The following ZNF469 variants were observed in gnomAD, a reference collection of about 807,000 sequenced individuals.
ZNF469 encodes the protein zinc finger protein 469.
A neutral mutation model predicts 1.0 loss-of-function variants in ZNF469; 1 was observed. The observed-to-expected ratio is 1.00, with a 90% CI of 0.35 to 4.73. The LOEUF is 4.73. Among genes scored for constraint, ZNF469 ranks in the 30% most tolerant of loss-of-function variants. The pLI, the probability that ZNF469 is intolerant of heterozygous loss-of-function variation, is 0.16. For missense variants in ZNF469, 6,100 were observed against 5,356.3 expected, an observed-to-expected ratio of 1.14 and a Z score of -4.33; for synonymous variants, 2,703 against 2,363.4, an observed-to-expected ratio of 1.14 and a Z score of -4.17.
the ZNF469 span, among the ~76,000 whole-genome samples, chr16:88,239,598 C>T: frequency 1.4e-5 from 2 of 146,116 alleles, no homozygotes; most frequent in South Asian, 2.2e-4. Flanking sequence ...CGCCATTCTC[C>T]TGCCTCAGCC....
In ZNF469 at chr16:88,430,129, A is replaced by G; in HGVS notation, c.2659A>G (p.Ser887Gly). 6.5e-7 allele frequency: 1 copy of G among 1,550,130 alleles called. No individual in the cohort carries two copies. Among genetic ancestry groups the G allele is most frequent in the Non-Finnish European group, 8.7e-7 (1 of 1,146,900 alleles). Residue 887 changes from serine to glycine, a missense_variant, in exon 3 of 3, where the codon AGC (serine) becomes GGC (glycine). Physicochemically the swap from Ser to Gly is moderately conservative, Grantham distance 56. Coordinates refer to ENST00000565624, the MANE Select transcript of ZNF469 (RefSeq NM_001367624.2). ...RGPSSGHPLKSKAGVTPESKA... is the reference protein window; with the variant it reads ...RGPSSGHPLKGKAGVTPESKA... Reference sequence around the variant, plus strand: ...TCCCAGCTCCGGACACCCCCTTAAGAGCAAGGCGGGGGTGACTCCAGAGAG... The same window carrying G: ...TCCCAGCTCCGGACACCCCCTTAAGGGCAAGGCGGGGGTGACTCCAGAGAG...
In ZNF469 at chr16:88,384,551, G is replaced by A. The variant is rs1485417537; in HGVS notation, c.-192+1297G>A. ...ACGTGTCTTCCATGCCATGCGCCTG[G>A]CAGGTCCCAGACCACAGGACAGAGC... On this transcript the variant is annotated intron_variant, in intron 1 of 2. Coordinates refer to ENST00000565624, the MANE Select transcript of ZNF469 (RefSeq NM_001367624.2). Among the ~76,000 whole-genome samples, 3 of 152,322 alleles carry A rather than the reference G, an allele frequency of 2.0e-5. No individual in the cohort carries two copies. The East Asian group carries it at 5.8e-4, about 29-fold the overall frequency.
At chr16:88,210,366 T>C in the ZNF469 span, among the ~76,000 whole-genome samples, 8 of 152,120 alleles carry the variant, frequency 5.3e-5, no homozygotes, top group East Asian at 1.3e-3. Context: ...TGCGGTATTT[T>C]TTAACCATGG....
chr16:88,364,133 A>G, the ZNF469 span, among the ~76,000 whole-genome samples: 1 of 152,188 alleles, frequency 6.6e-6, no homozygotes, highest in Non-Finnish European at 1.5e-5. Flanking sequence ...TAGAGCTAAG[A>G]TTCCGAAATT....
At chr16:88,305,056 C>G in the ZNF469 span, among the ~76,000 whole-genome samples, 1 of 152,172 alleles carries the variant, frequency 6.6e-6, no homozygotes, top group South Asian at 2.1e-4. Context: ...GACAGGGCAG[C>G]ATCTGACACC....
chr16:88,278,709 T>C, the ZNF469 span, among the ~76,000 whole-genome samples: 2 of 134,872 alleles, frequency 1.5e-5, 1 homozygote, highest in Admixed American at 1.6e-4. Flanking sequence ...TGTGCGACAC[T>C]GACGCTCAGT....
At chr16:88,411,503 TGCAAGCAGGCAGGGGTGCGAGC>T (rs1905165670) in intron 1 of ZNF469, among the ~76,000 whole-genome samples, 1 of 141,340 alleles carries the variant, frequency 7.1e-6, no homozygotes, top group Admixed American at 7.0e-5. Flanking sequence ...CGGGCAGGGG[TGCAAGCAGGCAGGGGTGCGAGC>T]GGGCAGGGGT....
intron 1 of ZNF469, among the ~76,000 whole-genome samples, chr16:88,421,063 T>C (rs1273209392): frequency 6.6e-6 from 1 of 151,390 alleles, no homozygotes; most frequent in Non-Finnish European, 1.5e-5. Flanking sequence ...AGAACCTGGC[T>C]CTCGAGGGTG....
At chr16:88,267,989 G>A in the ZNF469 span, among the ~76,000 whole-genome samples, 7 of 151,836 alleles carry the variant, frequency 4.6e-5, no homozygotes, top group South Asian at 1.5e-3. Flanking sequence ...CATTCTTACC[G>A]GCTCCTGCCA....
At chr16:88,218,836 T>C in the ZNF469 span, among the ~76,000 whole-genome samples, 20 of 150,954 alleles carry the variant, frequency 1.3e-4, no homozygotes, top group Non-Finnish European at 2.4e-4. Flanking sequence ...TTGTCCCTGT[T>C]TGCAGACGAC....
chr16:88,398,803 C>T (rs528552627), intron 1 of ZNF469, among the ~76,000 whole-genome samples: 26 of 152,196 alleles, frequency 1.7e-4, no homozygotes, highest in Admixed American at 3.3e-4. Flanking sequence ...CCAGGGCATC[C>T]GGGCTGGGAT....
the ZNF469 span, among the ~76,000 whole-genome samples, chr16:88,246,163 G>A: frequency 6.7e-6 from 1 of 149,098 alleles, no homozygotes; most frequent in African/African-American, 2.6e-5. Flanking sequence ...AAGGGCAGGA[G>A]CTCCGCCTTG....
At chr16:88,223,020 A>G in the ZNF469 span, among the ~76,000 whole-genome samples, 1 of 152,248 alleles carries the variant, frequency 6.6e-6, no homozygotes. Context: ...AAAACCTGCC[A>G]CACAAGGGTA....
At position 88,430,363 on chromosome 16, in the gene ZNF469, G is replaced by A. The variant is rs1381966969; in HGVS notation, c.2893G>A (p.Glu965Lys). The A allele has an allele frequency of 2.0e-6, 3 of 1,513,066 alleles. No individual in the cohort carries two copies. The Admixed American group carries it at 6.3e-5, about 32-fold the overall frequency. 93.7% of individuals were successfully genotyped at this position (1,513,066 alleles called of 1,614,324 possible). A position where few individuals can be genotyped will look rare whatever the true frequency, so the allele number is the denominator to read the frequency against. Reference sequence around the variant, plus strand: ...GGATCTGGACTCGGGCGGCGCAGCAGAGGGGTCGGGGTCGGGCGGCGGCGG... The same window carrying A: ...GGATCTGGACTCGGGCGGCGCAGCAAAGGGGTCGGGGTCGGGCGGCGGCGG... ...RKDLDSGGAA[E>K]GSGSGGGGRA... Residue 965 changes from glutamate to lysine, a missense_variant, in exon 3 of 3, where the codon GAG becomes AAG. Glu to Lys is a moderately conservative substitution (Grantham distance 56, BLOSUM62 1). Coordinates refer to ENST00000565624, the MANE Select transcript of ZNF469 (RefSeq NM_001367624.2).
chr16:88,426,404 C>T (rs964051626), intron 2 of ZNF469, among the ~76,000 whole-genome samples: 5 of 152,268 alleles, frequency 3.3e-5, no homozygotes, highest in Non-Finnish European at 5.9e-5. Context: ...GCCTGCGCAC[C>T]TCGTGGCCAC....
At chr16:88,148,706 C>G in the ZNF469 span, among the ~76,000 whole-genome samples, 5 of 152,272 alleles carry the variant, frequency 3.3e-5, 1 homozygote, top group Admixed American at 3.3e-4. Flanking sequence ...CTGTCTCAGG[C>G]GTCTGCCACC....
chr16:88,222,299 TTTG>T, the ZNF469 span, among the ~76,000 whole-genome samples: 1 of 152,142 alleles, frequency 6.6e-6, no homozygotes, highest in Non-Finnish European at 1.5e-5. Context: ...TGTTTGTTTG[TTTG>T]TTTAGAGACA....
rs181124665 is a variant in ZNF469, at chr16:88,435,453, C to T, written c.7983C>T (p.Gly2661=). The T allele has an allele frequency of 5.2e-5, 80 of 1,549,866 alleles. No individual in the cohort carries two copies. Among genetic ancestry groups the T allele is most frequent in the Non-Finnish European group, 6.6e-5 (76 of 1,146,990 alleles). The change falls in exon 3 of 3, where the codon GGC becomes GGT. Residue 2661 remains glycine, a synonymous_variant. Transcript: ENST00000565624. The part of the protein sequence containing the change: ...VSADVISDGR[G]SRPSPAMASY... ...CTGATGTGATTTCAGATGGGCGCGG[C>T]TCCAGACCATCCCCTGCAATGGCCA... is the stretch of plus-strand genomic sequence containing the variant.
the ZNF469 span, among the ~76,000 whole-genome samples, chr16:88,334,816 C>T: frequency 7.8e-4 from 118 of 151,458 alleles, no homozygotes; most frequent in African/African-American, 2.5e-3. Flanking sequence ...ATGAGGGAGC[C>T]GTGTGGGAAG....
Sources: gnomAD v4.1 joint callset for allele counts (sites outside exome capture counted in the v4.1 genomes callset) on GRCh38, gnomAD v4.1.1 for gene constraint, MANE v1.5 for transcripts, NCBI Gene and HGNC (gene_info 2026-07-23, HGNC 2026-07-21) for gene names.